Variants in TBC1D13 observed in about 807,000 individuals in gnomAD.
TBC1D13 encodes TBC1 domain family member 13, also known as epididymis secretory sperm binding protein.
In TBC1D13, 40 loss-of-function variants were observed where a neutral mutation model predicts 53.6. The observed-to-expected ratio is 0.75, with a 90% confidence interval of 0.58 to 0.97. The LOEUF is 0.97. Ranked by LOEUF, TBC1D13 falls within the 50% of genes least tolerant of loss-of-function variation. TBC1D13 has a pLI of 0.00. For missense variants in TBC1D13, 377 were observed against 499.4 expected (o/e 0.75, Z 2.34); for synonymous variants, 182 against 197.7 (o/e 0.92, Z 0.67).
intron 7 of TBC1D13, among the ~76,000 whole-genome samples, chr9:128,802,354 G>A (rs150143758): frequency 4.6e-5 from 7 of 152,204 alleles, no homozygotes; most frequent in East Asian, 3.9e-4. Context: ...CACCGTGCCC[G>A]GCCCTAAAGT....
At chr9:128,803,858 C>T (rs1250260303) in intron 8 of TBC1D13, 98 bp from the exon 9 acceptor site, 7 of 1,499,148 alleles carry the variant, frequency 4.7e-6, no homozygotes, top group Non-Finnish European at 6.3e-6. Context: ...GAGGATGGGG[C>T]AACTCGGCGG....
Position 128,808,053 on chromosome 9 carries a change from C to G in TBC1D13, c.*174C>G. 1.6e-6 allele frequency: 1 copy of G among 634,858 alleles called. No homozygotes were observed. Among genetic ancestry groups the G allele is most frequent in the Non-Finnish European group, 2.8e-6 (1 of 351,640 alleles). 39.3% of individuals were successfully genotyped at this position (634,858 alleles called of 1,614,324 possible). A position where few individuals can be genotyped will look rare whatever the true frequency, so the allele number is the denominator to read the frequency against. ...GTGCCGTGCTCCTTCTGCCGCCACG[C>G]CCAGCTCCCCACCTGCCCTGCACTC... On this transcript the variant is annotated 3_prime_UTR_variant, in exon 12 of 12. Transcript: ENST00000372648.
At chr9:128,795,790 C>T (rs1215533992) in intron 6 of TBC1D13, among the ~76,000 whole-genome samples, 2 of 151,522 alleles carry the variant, frequency 1.3e-5, no homozygotes, top group Non-Finnish European at 2.9e-5. Flanking sequence ...ATGGGGTCTC[C>T]TTTTGTTGCC....
intron 6 of TBC1D13, among the ~76,000 whole-genome samples, chr9:128,795,023 A>G (rs1482111910): frequency 1.3e-5 from 2 of 151,072 alleles, no homozygotes; most frequent in East Asian, 3.9e-4. Context: ...TTTTGCTACT[A>G]CAAACCACCC....
At position 128,807,995 on chromosome 9, in the gene TBC1D13, C is replaced by A; in HGVS notation, c.*116C>A. On this transcript the variant is annotated 3_prime_UTR_variant, in exon 12 of 12. Coordinates refer to ENST00000372648, the MANE Select transcript of TBC1D13 (RefSeq NM_018201.5). ...CTGAGGGGAAGCCACAGGATCGGCC[C>A]GAGACCCAGGCCATGCCCACTGGGG... 1.0e-6 allele frequency: 1 copy of A among 996,496 alleles called. No homozygotes were observed. 61.7% of individuals were successfully genotyped at this position (996,496 alleles called of 1,614,324 possible). A position where few individuals can be genotyped will look rare whatever the true frequency, so the allele number is the denominator to read the frequency against.
In TBC1D13 at chr9:128,803,398, T is replaced by G; in HGVS notation, c.692T>G (p.Met231Arg). 3.1e-6 allele frequency: 5 copies of G among 1,614,226 alleles called. No homozygotes were observed. In the African/African-American group the frequency reaches 4.0e-5, roughly 13 times the overall value. ...CCTGGCATCGCTTATGTGCAAGGCA[T>G]GAATGAAATCGTGGGGCCCCTCTAC... ...LNPGIAYVQG[M>R]NEIVGPLYYT... Residue 231 changes from methionine (M) to arginine (R), a missense_variant, in exon 8 of 12, where the codon ATG becomes AGG. By Grantham distance (91) the Met-to-Arg change is moderately conservative. Coordinates refer to ENST00000372648, the MANE Select transcript of TBC1D13 (RefSeq NM_018201.5).
Position 128,791,667 on chromosome 9 carries a change from A to C in TBC1D13, c.274A>C (p.Arg92=). Residue 92 remains arginine (R), a synonymous_variant, in exon 5 of 12, where the codon AGG becomes CGG. Transcript: ENST00000372648. Reference sequence around the variant, plus strand: ...TGCCAAGGCCAACATGGGTGTGTCCAGGGAGGATGTGACTTTTGAGGACCA... The same window carrying C: ...TGCCAAGGCCAACATGGGTGTGTCCCGGGAGGATGTGACTTTTGAGGACCA... ...GIAKANMGVS[R]EDVTFEDHPL... 1 of 1,614,226 alleles carries C rather than the reference A, an allele frequency of 6.2e-7. No individual in the cohort carries two copies. The highest frequency in any genetic ancestry group is 8.5e-7 in the Non-Finnish European group (1 of 1,180,030).
At chr9:128,788,212 T>G (rs1829463878) in intron 1 of TBC1D13, 122 bp from the exon 2 acceptor site, 1 of 794,876 alleles carries the variant, frequency 1.3e-6, no homozygotes, top group African/African-American at 1.7e-5. Context: ...CTGTGTGATT[T>G]TTATGTCCTA....
In TBC1D13 at chr9:128,790,743, T is replaced by C; in HGVS notation, c.106T>C (p.Cys36Arg). 1 of 1,552,520 alleles carries C rather than the reference T, an allele frequency of 6.4e-7. No homozygotes were observed. Residue 36 changes from cysteine (C) to arginine (R), a missense_variant, in exon 3 of 12, where the codon TGT becomes CGT. Physicochemically the swap from Cys to Arg is radical, Grantham distance 180 (BLOSUM62 -3). Transcript: ENST00000372648. ...GCCTGCTGTGTCCACAGGCATCCCC[T>C]GTGAGGGCGGACTGCGGTGCCTCTG... ...LRELSFSGIP[C>R]EGGLRCLCWK...
Position 128,806,361 on chromosome 9 carries a change from G to A in TBC1D13, c.1137+50G>A, listed in dbSNP as rs746276791. 2.2e-5 allele frequency: 35 copies of A among 1,607,830 alleles called. No individual in the cohort carries two copies. The East Asian group carries it at 3.3e-4, about 15-fold the overall frequency. On this transcript the variant is annotated intron_variant, in intron 11 of 11. Coordinates refer to ENST00000372648, the MANE Select transcript of TBC1D13 (RefSeq NM_018201.5). ...AGCCACTGCCATGAGGCTGGCACTCGCCAGGCACCTGCCCACGCCAGCTGC... is the reference window on the plus strand; with the variant it reads ...AGCCACTGCCATGAGGCTGGCACTCACCAGGCACCTGCCCACGCCAGCTGC...
At chr9:128,787,566 C>T (rs1564421571) in intron 1 of TBC1D13, among the ~76,000 whole-genome samples, 190 bp downstream of exon 1, 1 of 152,096 alleles carries the variant, frequency 6.6e-6, no homozygotes, top group Non-Finnish European at 1.5e-5. Context: ...CCTTCTCCTG[C>T]CCCTGATGTC....
rs1589575323 is a variant in TBC1D13, at chr9:128,803,533, G to A, written c.754+73G>A. 33 of 1,434,694 alleles carry A rather than the reference G, an allele frequency of 2.3e-5. No individual in the cohort carries two copies. The East Asian group carries it at 5.4e-4, about 23-fold the overall frequency. The allele number at this position is 1,434,694 out of a possible 1,614,324, so 88.9% of individuals were successfully genotyped here. ...GGCTGTGCACCTCACTTTCCCTCTC[G>A]GGCCTCTGTTCTCCCTCTGCCAGAT... On this transcript the variant is annotated intron_variant, in intron 8 of 11. Transcript: ENST00000372648.
At chr9:128,803,812 G>T in intron 8 of TBC1D13, 144 bp from the exon 9 acceptor site, 1 of 1,010,800 alleles carries the variant, frequency 9.9e-7, no homozygotes, top group East Asian at 2.5e-5. Flanking sequence ...GGGGTGGAGA[G>T]GGGTCAAGGA....
chr9:128,795,221 A>AT (rs749057362), intron 6 of TBC1D13, among the ~76,000 whole-genome samples: 4,030 of 135,592 alleles, frequency 0.03, 205 homozygotes, highest in African/African-American at 0.1. Context: ...CACCCAGCTA[A>AT]TTTTTTTTTT....
rs1208179636 is a variant in TBC1D13 at position 128,787,347 on chromosome 9, CA to C, written c.-5del. ...GGAGGCGGCTGGGGGGTCCGGAAGT[CA>C]ACACCATGTCAAGTCTGCACAAGAG... is the stretch of plus-strand genomic sequence containing the variant. On this transcript the variant is annotated 5_prime_UTR_variant, in exon 1 of 12. Transcript: ENST00000372648. The C allele has an allele frequency of 3.2e-6, 4 of 1,261,458 alleles. No individual in the cohort carries two copies. The African/African-American group carries it at 6.2e-5, about 19-fold the overall frequency. The allele number at this position is 1,261,458 out of a possible 1,614,324, so 78.1% of individuals were successfully genotyped here. A position where few individuals can be genotyped will look rare whatever the true frequency, so the allele number is the denominator to read the frequency against.
chr9:128,787,479 C>A, intron 1 of TBC1D13, 103 bp downstream of exon 1: 1 of 1,167,444 alleles, frequency 8.6e-7, no homozygotes, highest in Non-Finnish European at 1.1e-6. Context: ...AATCGGCAGA[C>A]CCCCTCGGCA....
chr9:128,795,253 C>G (rs1245981342), intron 6 of TBC1D13, among the ~76,000 whole-genome samples: 1 of 146,380 alleles, frequency 6.8e-6, no homozygotes, highest in African/African-American at 2.5e-5. Flanking sequence ...GAGTCTTGCT[C>G]TGTTGCCCAG....
intron 1 of TBC1D13, 110 bp downstream of exon 1, chr9:128,787,486 G>T: frequency 2.7e-6 from 3 of 1,114,248 alleles, no homozygotes; most frequent in Non-Finnish European, 2.3e-6. Context: ...AGACCCCCTC[G>T]GCAGAGGGTC....
intron 11 of TBC1D13, 105 bp downstream of exon 11, chr9:128,806,416 G>A: frequency 7.4e-7 from 1 of 1,354,146 alleles, no homozygotes; most frequent in Non-Finnish European, 1.0e-6. Flanking sequence ...GCAGCGGAGT[G>A]TAGTAGGGAT....
Sources: gnomAD v4.1 joint callset for allele counts (sites outside exome capture counted in the v4.1 genomes callset) on GRCh38, gnomAD v4.1.1 for gene constraint, MANE v1.5 for transcripts, NCBI Gene and HGNC (gene_info 2026-07-23, HGNC 2026-07-21) for gene names.